Variants in AGMO observed in about 807,000 individuals in gnomAD.
AGMO encodes the protein glyceryl-ether monooxygenase.
A neutral mutation model predicts 60.2 loss-of-function variants in AGMO; 75 were observed. That is an observed-to-expected ratio of 1.25 (90% confidence interval 1.03 to 1.51). The LOEUF is 1.51. Among genes scored for constraint, AGMO ranks in the 40% most tolerant of loss-of-function variants. The pLI is 0.00. For synonymous variants in AGMO, 261 were observed against 177.1 expected, an observed-to-expected ratio of 1.47 and a Z score of -3.76; for missense variants, 763 against 525.5, an observed-to-expected ratio of 1.45 and a Z score of -4.42.
chr7:15,492,351 C>G (rs1290944288), intron 3 of AGMO, among the ~76,000 whole-genome samples: 2 of 114,514 alleles, frequency 1.7e-5, no homozygotes, highest in Admixed American at 2.1e-4. Context: ...ATTTTGAGGC[C>G]CAATACGAAA....
the AGMO span, among the ~76,000 whole-genome samples, chr7:15,154,420 G>A: frequency 6.6e-6 from 1 of 152,140 alleles, no homozygotes; most frequent in Non-Finnish European, 1.5e-5. Context: ...CATGCTCATG[G>A]ATAGCAACAC....
At chr7:15,144,990 T>C in the AGMO span, among the ~76,000 whole-genome samples, 2 of 152,050 alleles carry the variant, frequency 1.3e-5, no homozygotes, top group East Asian at 1.9e-4. Context: ...CCGCCACGCT[T>C]TGCTAATTTT....
chr7:15,271,194 TACTC>T (rs1401273965), intron 12 of AGMO, among the ~76,000 whole-genome samples: 5 of 152,282 alleles, frequency 3.3e-5, no homozygotes, highest in East Asian at 1.9e-4. Context: ...TGATATTTCT[TACTC>T]AGTGAAAAAC....
intron 10 of AGMO, among the ~76,000 whole-genome samples, chr7:15,373,184 A>C (rs1345937181): frequency 6.6e-6 from 1 of 152,064 alleles, no homozygotes; most frequent in Non-Finnish European, 1.5e-5. Flanking sequence ...AGGTTAAGGC[A>C]CAAGAACTGA....
chr7:15,169,983 G>A, the AGMO span, among the ~76,000 whole-genome samples: 1 of 152,220 alleles, frequency 6.6e-6, no homozygotes, highest in African/African-American at 2.4e-5. Context: ...GTGAACATTT[G>A]TAACATGTGA....
At chr7:15,393,979 A>C in intron 6 of AGMO, 134 bp downstream of exon 6, 1 of 650,218 alleles carries the variant, frequency 1.5e-6, no homozygotes, top group Admixed American at 3.1e-5. Context: ...GAAGATAGAA[A>C]AGAAGAAACT....
At chr7:15,484,924 T>C (rs957505592) in intron 3 of AGMO, among the ~76,000 whole-genome samples, 2 of 151,874 alleles carry the variant, frequency 1.3e-5, no homozygotes, top group African/African-American at 4.8e-5. Flanking sequence ...ACGAAATATG[T>C]AGAGGGGTAG....
intron 12 of AGMO, among the ~76,000 whole-genome samples, chr7:15,207,192 G>A (rs10236062): frequency 0.011 from 1,709 of 152,198 alleles, 24 homozygotes; most frequent in African/African-American, 0.04. Flanking sequence ...ATAATTCAGA[G>A]AATATACTTT....
At chr7:15,178,208 ACT>A in the AGMO span, among the ~76,000 whole-genome samples, 1 of 152,074 alleles carries the variant, frequency 6.6e-6, no homozygotes, top group Non-Finnish European at 1.5e-5. Flanking sequence ...TTCTCAAATA[ACT>A]CTCTAAGAAG....
At chr7:15,429,862 A>C (rs1781177362) in intron 4 of AGMO, among the ~76,000 whole-genome samples, 1 of 152,054 alleles carries the variant, frequency 6.6e-6, no homozygotes, top group African/African-American at 2.4e-5. Flanking sequence ...TTCCCTGAGA[A>C]TGATAATACT....
chr7:15,406,954 T>C (rs1784716952), intron 5 of AGMO, among the ~76,000 whole-genome samples: 2 of 139,730 alleles, frequency 1.4e-5, no homozygotes, highest in Non-Finnish European at 1.5e-5. Flanking sequence ...CACACACACG[T>C]ATATTCCATA....
At chr7:15,473,946 T>G (rs1205772247) in intron 3 of AGMO, among the ~76,000 whole-genome samples, 1 of 152,008 alleles carries the variant, frequency 6.6e-6, no homozygotes, top group East Asian at 1.9e-4. Flanking sequence ...GAGCTTCCAT[T>G]CACAATTGTT....
intron 12 of AGMO, among the ~76,000 whole-genome samples, chr7:15,301,736 T>C (rs1393162504): frequency 6.6e-6 from 1 of 152,154 alleles, no homozygotes; most frequent in African/African-American, 2.4e-5. Context: ...ATAATAATAT[T>C]GGATACATAA....
At chr7:15,521,305 C>T (rs1021488419) in intron 3 of AGMO, among the ~76,000 whole-genome samples, 2 of 152,110 alleles carry the variant, frequency 1.3e-5, no homozygotes, top group African/African-American at 4.8e-5. Context: ...TAAAACTATT[C>T]CGAGCAACAG....
chr7:15,422,003 G>A (rs1490357203), intron 4 of AGMO, among the ~76,000 whole-genome samples: 3 of 151,894 alleles, frequency 2.0e-5, no homozygotes, highest in Non-Finnish European at 4.4e-5. Context: ...ATTTTTAAGA[G>A]ACAGAGAGAA....
intron 12 of AGMO, among the ~76,000 whole-genome samples, chr7:15,354,393 TACACGTGTGTGTAC>T (rs1378742407): frequency 2.4e-5 from 1 of 41,114 alleles, no homozygotes; most frequent in Non-Finnish European, 4.0e-5. Flanking sequence ...CGTGTGTGTA[TACACGTGTGTGTAC>T]ACACGTGTGT....
chr7:15,444,844 T>C (rs899349401), intron 3 of AGMO, among the ~76,000 whole-genome samples: 11 of 152,184 alleles, frequency 7.2e-5, no homozygotes, highest in Non-Finnish European at 1.0e-4. Flanking sequence ...GGAAATTATA[T>C]GCATATTATT....
chr7:15,545,563 A>T, intron 2 of AGMO, among the ~76,000 whole-genome samples: 1 of 151,996 alleles, frequency 6.6e-6, no homozygotes, highest in East Asian at 1.9e-4. Flanking sequence ...ATTTCTTATA[A>T]GTAATATAAA....
intron 12 of AGMO, among the ~76,000 whole-genome samples, chr7:15,269,893 A>C (rs1783545607): frequency 6.6e-6 from 1 of 152,110 alleles, no homozygotes; most frequent in African/African-American, 2.4e-5. Flanking sequence ...TATCTCACTA[A>C]GGATAAGGGC....
Sources: gnomAD v4.1 joint callset for allele counts (sites outside exome capture counted in the v4.1 genomes callset) on GRCh38, gnomAD v4.1.1 for gene constraint, MANE v1.5 for transcripts, NCBI Gene and HGNC (gene_info 2026-07-23, HGNC 2026-07-21) for gene names.